The following TENM3 variants were observed in gnomAD, a reference collection of about 807,000 sequenced individuals.
The protein encoded by TENM3 is teneurin transmembrane protein 3.
Under a neutral mutation model 255.1 loss-of-function variants are expected in TENM3, and 63 were observed. That is an observed-to-expected ratio of 0.25 (90% CI 0.20 to 0.30). The LOEUF is 0.30. TENM3 is among the 10% of genes least tolerant of loss of function. TENM3 has a pLI of 1.00. For synonymous variants in TENM3, 1,306 were observed against 1,322.3 expected (o/e 0.99, Z 0.27); for missense variants, 2,929 against 3,461.1 (o/e 0.85, Z 3.86).
rs1181257458 is a variant in TENM3 at position 182,774,923 on chromosome 4, T to C, written c.5074T>C (p.Leu1692=). 1.2e-6 allele frequency: 2 copies of C among 1,609,818 alleles called. No homozygotes were observed. Among genetic ancestry groups the C allele is most frequent in the East Asian group, 2.2e-5 (1 of 44,866 alleles). ...DSFYTMVQDQ[L]RNSYQIGYDG... ...TTGTGCTTCTTGTTCTTTAGATCAG[T>C]TAAGAAACAGCTACCAGATTGGTTA... Residue 1692 remains leucine, a synonymous_variant, in exon 24 of 28, where the codon TTA becomes CTA. Transcript: ENST00000511685.
At position 182,743,228 on chromosome 4, in the gene TENM3, G is replaced by A; in HGVS notation, c.3438G>A (p.Val1146=). Residue 1146 remains valine, a synonymous_variant, in exon 19 of 28, where the codon GTG becomes GTA. Coordinates refer to ENST00000511685, the MANE Select transcript of TENM3 (RefSeq NM_001080477.4). ...NQFISQQPPV[V]SSIMGNGRRR... is the part of the protein sequence containing the mutation. ...TCATCTCCCAGCAGCCTCCAGTCGT[G>A]AGTAGCATCATGGGCAATGGGCGAA... 3 of 1,614,024 alleles carry A rather than the reference G, an allele frequency of 1.9e-6. No individual in the cohort carries two copies. Among genetic ancestry groups the A allele is most frequent in the Non-Finnish European group, 2.5e-6 (3 of 1,179,884 alleles).
the TENM3 span, among the ~76,000 whole-genome samples, chr4:181,813,466 A>C: frequency 4.6e-5 from 7 of 152,220 alleles, no homozygotes; most frequent in African/African-American, 1.7e-4. Context: ...AGGTTGTTTG[A>C]GGAAGAGAAA....
At chr4:181,652,142 TA>T in the TENM3 span, among the ~76,000 whole-genome samples, 8,907 of 114,626 alleles carry the variant, frequency 0.078, 305 homozygotes, top group African/African-American at 0.12. Context: ...CACTTTGGGG[TA>T]AAAAAAAAAA....
At chr4:181,539,801 A>G in the TENM3 span, among the ~76,000 whole-genome samples, 4 of 152,230 alleles carry the variant, frequency 2.6e-5, no homozygotes, top group Non-Finnish European at 5.9e-5. Flanking sequence ...TATAGAATAT[A>G]TGATGAAATT....
chr4:182,745,288 C>T (rs990331080), intron 19 of TENM3, among the ~76,000 whole-genome samples: 1 of 152,188 alleles, frequency 6.6e-6, no homozygotes, highest in African/African-American at 2.4e-5. Flanking sequence ...AGCTCAGTCA[C>T]ATGCTAAAAT....
At chr4:182,091,361 G>A in the TENM3 span, among the ~76,000 whole-genome samples, 1 of 152,208 alleles carries the variant, frequency 6.6e-6, no homozygotes, top group Admixed American at 6.5e-5. Flanking sequence ...AAAGGGCAAA[G>A]GGGATGCTGA....
the TENM3 span, among the ~76,000 whole-genome samples, chr4:181,653,887 C>T: frequency 6.6e-6 from 1 of 151,950 alleles, no homozygotes; most frequent in African/African-American, 2.4e-5. Flanking sequence ...CAACAGACCC[C>T]GGTGTGTGAT....
chr4:182,783,764 C>T (rs987040416), intron 24 of TENM3, among the ~76,000 whole-genome samples: 5 of 152,250 alleles, frequency 3.3e-5, no homozygotes, highest in Admixed American at 1.3e-4. Context: ...TCTTTGTATT[C>T]GTTTTTCTCT....
intron 11 of TENM3, 51 bp from the exon 12 acceptor site, chr4:182,688,115 T>A: frequency 6.8e-7 from 1 of 1,467,700 alleles, no homozygotes; most frequent in East Asian, 2.5e-5. Context: ...ATTCCCCTTC[T>A]CTCTCCCGCC....
In TENM3 at chr4:182,763,373, A is replaced by G. The variant is rs367843893; in HGVS notation, c.4892+8114A>G. The stretch of plus-strand genomic sequence containing the variant: ...GACGTCAGGAGATCGAGACCATCCT[A>G]GCTAACACGGTGAAACCCCATCTCT... On this transcript the variant is annotated intron_variant, in intron 22 of 27. Coordinates refer to ENST00000511685, the MANE Select transcript of TENM3 (RefSeq NM_001080477.4). Among the ~76,000 whole-genome samples the G allele has an allele frequency of 6.2e-3, 944 of 152,144 alleles. 3 individuals are homozygous for G. Among genetic ancestry groups the G allele is most frequent in the East Asian group, 0.021 (108 of 5,150 alleles).
chr4:181,969,985 T>C, the TENM3 span, among the ~76,000 whole-genome samples: 2 of 152,242 alleles, frequency 1.3e-5, no homozygotes, highest in Non-Finnish European at 2.9e-5. Context: ...GTTGAGTTTC[T>C]TTATGACTGA....
chr4:182,732,290 C>T (rs1390004915), intron 16 of TENM3, among the ~76,000 whole-genome samples: 2 of 152,104 alleles, frequency 1.3e-5, no homozygotes. Context: ...GCTACTGACA[C>T]CACTCACTAT....
At chr4:182,187,168 A>T (rs1416595102) in intron 1 of TENM3, among the ~76,000 whole-genome samples, 2 of 152,134 alleles carry the variant, frequency 1.3e-5, no homozygotes, top group Non-Finnish European at 2.9e-5. Flanking sequence ...AATTCTGGGT[A>T]TTTAAAGTAT....
intron 3 of TENM3, among the ~76,000 whole-genome samples, chr4:182,449,517 C>T (rs1170659885): frequency 6.6e-6 from 1 of 151,924 alleles, no homozygotes; most frequent in Non-Finnish European, 1.5e-5. Context: ...GCAAAGCTGC[C>T]CTTTTGCCTG....
chr4:181,806,419 T>G, the TENM3 span, among the ~76,000 whole-genome samples: 1 of 152,240 alleles, frequency 6.6e-6, no homozygotes, highest in African/African-American at 2.4e-5. Flanking sequence ...TGGTTGAACA[T>G]TCAAATGTTT....
intron 5 of TENM3, among the ~76,000 whole-genome samples, chr4:182,635,831 T>C (rs1751798234): frequency 6.6e-6 from 1 of 152,190 alleles, no homozygotes; most frequent in Admixed American, 6.5e-5. Context: ...TGGGCCTATT[T>C]GCATTTTATG....
the TENM3 span, among the ~76,000 whole-genome samples, chr4:181,536,600 T>C: frequency 1.3e-5 from 2 of 152,226 alleles, no homozygotes; most frequent in African/African-American, 2.4e-5. Context: ...TAAATCCTCA[T>C]CTTTCCAATG....
At chr4:182,185,310 C>T (rs1221933819) in intron 1 of TENM3, among the ~76,000 whole-genome samples, 1 of 152,168 alleles carries the variant, frequency 6.6e-6, no homozygotes, top group African/African-American at 2.4e-5. Context: ...AAGTTGAAGG[C>T]ACCATAGCAT....
At chr4:181,449,669 C>T in the TENM3 span, among the ~76,000 whole-genome samples, 19,945 of 152,050 alleles carry the variant, frequency 0.13, 1,485 homozygotes, top group East Asian at 0.28. Context: ...TGCCTGTAAT[C>T]CCAGCTATTC....
Sources: gnomAD v4.1 joint callset for allele counts (sites outside exome capture counted in the v4.1 genomes callset) on GRCh38, gnomAD v4.1.1 for gene constraint, MANE v1.5 for transcripts, NCBI Gene and HGNC (gene_info 2026-07-23, HGNC 2026-07-21) for gene names.